The following SRSF12 variants were observed in gnomAD, a reference collection of about 807,000 sequenced individuals.
SRSF12 encodes serine/arginine-rich splicing factor 12.
Under a neutral mutation model 34.1 loss-of-function variants are expected in SRSF12, and 21 were observed. That is an observed-to-expected ratio of 0.62 (90% confidence interval 0.44 to 0.89). The LOEUF (loss-of-function observed/expected upper bound fraction) is 0.89, where lower values mean the gene tolerates loss of function less well. Ranked by LOEUF, SRSF12 falls within the 40% of genes least tolerant of loss-of-function variation. The pLI is 0.00. For missense variants in SRSF12, 278 were observed against 327.8 expected (o/e 0.85, Z 1.17); for synonymous variants, 111 against 110.8 (o/e 1.00, Z -0.01).
At position 89,117,987 on chromosome 6, in the gene SRSF12, G is replaced by A; in HGVS notation, c.-100C>T. 1 of 1,316,444 alleles carries A rather than the reference G, an allele frequency of 7.6e-7. No individual in the cohort carries two copies. Among genetic ancestry groups the A allele is most frequent in the Non-Finnish European group, 1.0e-6 (1 of 971,634 alleles). 81.5% of individuals were successfully genotyped at this position (1,316,444 alleles called of 1,614,324 possible). On this transcript the variant is annotated 5_prime_UTR_variant, in exon 1 of 5. Transcript: ENST00000452027. The stretch of plus-strand genomic sequence containing the variant: ...ACCACAGGAGCTCCGCCGGCCCCCG[G>A]CGCGACCCCCACCCCTCGGCCTCAG...
chr6:89,112,084 T>C (rs1265639610), intron 1 of SRSF12, among the ~76,000 whole-genome samples: 1 of 152,008 alleles, frequency 6.6e-6, no homozygotes, highest in Non-Finnish European at 1.5e-5. Flanking sequence ...CTCGGCTCAC[T>C]GCAACCTCCT....
chr6:89,113,408 G>A (rs1386656895), intron 1 of SRSF12, among the ~76,000 whole-genome samples: 1 of 152,010 alleles, frequency 6.6e-6, no homozygotes, highest in Non-Finnish European at 1.5e-5. Context: ...TCCTGACCTC[G>A]TGATCCGCCC....
chr6:89,113,303 A>G (rs1769140458), intron 1 of SRSF12, among the ~76,000 whole-genome samples: 1 of 151,988 alleles, frequency 6.6e-6, no homozygotes, highest in Admixed American at 6.6e-5. Context: ...CCTCCCTAGT[A>G]GCTGGGACTA....
chr6:89,107,076 A>G, intron 2 of SRSF12, 78 bp downstream of exon 2: 1 of 1,271,210 alleles, frequency 7.9e-7, no homozygotes, highest in Non-Finnish European at 1.2e-6. Context: ...TAATCTCATA[A>G]CATATGCTAC....
At chr6:89,104,223 C>CTTT (rs138798211) in intron 4 of SRSF12, among the ~76,000 whole-genome samples, 1 of 123,564 alleles carries the variant, frequency 8.1e-6, no homozygotes, top group African/African-American at 3.2e-5. Flanking sequence ...AACTCATCAC[C>CTTT]TTTTTTTTTT....
In SRSF12 at chr6:89,107,188, A is replaced by G; in HGVS notation, c.136T>C (p.Tyr46His). The G allele has an allele frequency of 1.2e-6, 2 of 1,614,174 alleles. No individual in the cohort carries two copies. Among genetic ancestry groups the G allele is most frequent in the Non-Finnish European group, 8.5e-7 (1 of 1,180,026 alleles). The part of the protein sequence containing the change: ...IVDVYIPLDF[Y>H]TRRPRGFAYV... ...GCAAATCCTCTTGGGCGGCGAGTGT[A>G]GAAGTCAAGTGGAATGTAAACGTCT... The change falls in exon 2 of 5, where the codon TAC (tyrosine) becomes CAC (histidine). Residue 46 changes from tyrosine to histidine, a missense_variant. Physicochemically the swap from Tyr to His is moderately conservative, Grantham distance 83. Coordinates refer to ENST00000452027, the MANE Select transcript of SRSF12 (RefSeq NM_080743.5).
In SRSF12 at chr6:89,107,002, A is replaced by G; in HGVS notation, c.170+152T>C. 3.7e-6 allele frequency: 3 copies of G among 821,170 alleles called. No homozygotes were observed. In the Middle Eastern group the frequency reaches 6.7e-4, roughly 182 times the overall value. 50.9% of individuals were successfully genotyped at this position (821,170 alleles called of 1,614,324 possible). ...TGGTTCAAACTGGGGGGTGCTTGCC[A>G]GCTACTGTGGACTGCTTTAGATCTT... On this transcript the variant is annotated intron_variant, in intron 2 of 4. Coordinates refer to ENST00000452027, the MANE Select transcript of SRSF12 (RefSeq NM_080743.5).
In SRSF12 at chr6:89,098,355, T is replaced by C. The variant is rs1768352211; in HGVS notation, c.*223A>G. On this transcript the variant is annotated 3_prime_UTR_variant, in exon 5 of 5. Transcript: ENST00000452027. ...CTGCCACAATGTAAATAAAAAATGG[T>C]CCATAAAATGGTGACATTAGACAAA... 1 of 418,564 alleles carries C rather than the reference T, an allele frequency of 2.4e-6. No individual in the cohort carries two copies. Among genetic ancestry groups the C allele is most frequent in the Non-Finnish European group, 4.1e-6 (1 of 244,760 alleles). The allele number at this position is 418,564 out of a possible 1,614,324, so 25.9% of individuals were successfully genotyped here. A position where few individuals can be genotyped will look rare whatever the true frequency, so the allele number is the denominator to read the frequency against.
intron 1 of SRSF12, among the ~76,000 whole-genome samples, chr6:89,117,334 G>T (rs1001284477): frequency 1.3e-5 from 2 of 152,230 alleles, no homozygotes; most frequent in Admixed American, 6.5e-5. Flanking sequence ...CTGGGGGAAA[G>T]AAACTGTAAG....
chr6:89,111,338 G>A (rs934640937), intron 1 of SRSF12, among the ~76,000 whole-genome samples: 8 of 152,164 alleles, frequency 5.3e-5, no homozygotes, highest in African/African-American at 1.9e-4. Flanking sequence ...TTGAAAATAT[G>A]TTGTAGTTTT....
intron 1 of SRSF12, among the ~76,000 whole-genome samples, chr6:89,114,603 TA>T (rs72183494): frequency 0.18 from 24,625 of 133,840 alleles, 4,020 homozygotes; most frequent in African/African-American, 0.46. Flanking sequence ...GTGGCAAAGC[TA>T]AAAAAAAAAA....
chr6:89,117,903 T>C lies in SRSF12; in HGVS notation c.-16A>G. The C allele has an allele frequency of 2.6e-6, 4 of 1,557,198 alleles. No individual in the cohort carries two copies. The highest frequency in any genetic ancestry group is 3.5e-6 in the Non-Finnish European group (4 of 1,154,786). ...AGCGAGACATGACCGCTTCCTCCGT[T>C]CCCTCCGGGTCTGCCCGCGGCCGCT... On this transcript the variant is annotated 5_prime_UTR_variant, in exon 1 of 5. Coordinates refer to ENST00000452027, the MANE Select transcript of SRSF12 (RefSeq NM_080743.5).
At chr6:89,106,003 A>T (rs1038182393) in intron 2 of SRSF12, 1 of 152,274 alleles carries the variant, frequency 6.6e-6, no homozygotes, top group Admixed American at 6.5e-5. Flanking sequence ...TTTAAATTTG[A>T]CATTTAAGAG....
chr6:89,104,423 A>G (rs1768690414), intron 4 of SRSF12, among the ~76,000 whole-genome samples: 1 of 151,740 alleles, frequency 6.6e-6, no homozygotes, highest in Admixed American at 6.6e-5. Flanking sequence ...TTTTTAGTAG[A>G]GGCGGGGTTT....
At chr6:89,117,779 C>T (rs758907644) in intron 1 of SRSF12, 44 bp downstream of exon 1, 17 of 1,519,518 alleles carry the variant, frequency 1.1e-5, no homozygotes, top group Non-Finnish European at 1.5e-5. Flanking sequence ...GGCTGTTACC[C>T]CGCCCCTCCT....
intron 2 of SRSF12, 55 bp downstream of exon 2, chr6:89,107,099 T>G (rs1259177701): frequency 3.5e-6 from 5 of 1,408,566 alleles, no homozygotes; most frequent in African/African-American, 1.4e-5. Context: ...AATACATATA[T>G]GTATAAGCAC....
At chr6:89,104,703 G>A (rs115995510) in intron 4 of SRSF12, among the ~76,000 whole-genome samples, 3,446 of 152,104 alleles carry the variant, frequency 0.023, 79 homozygotes, top group African/African-American at 0.063. Context: ...AACAAAAATT[G>A]ATTATGTTTG....
Position 89,098,495 on chromosome 6 carries a change from T to C in SRSF12, c.*83A>G. ...AACTAATATCAACTCGCATTTTCTG[T>C]ATGCCTTAAAGAATTTTTATTTAAC... On this transcript the variant is annotated 3_prime_UTR_variant, in exon 5 of 5. Coordinates refer to ENST00000452027, the MANE Select transcript of SRSF12 (RefSeq NM_080743.5). 2 of 1,470,348 alleles carry C rather than the reference T, an allele frequency of 1.4e-6. No individual in the cohort carries two copies. The highest frequency in any genetic ancestry group is 1.8e-6 in the Non-Finnish European group (2 of 1,107,562). The allele number at this position is 1,470,348 out of a possible 1,614,324, so 91.1% of individuals were successfully genotyped here.
chr6:89,105,479 C>T lies in SRSF12; in HGVS notation c.222G>A (p.Lys74=), dbSNP rs1447364157. ...AEDALYNLNR[K]WVCGRQIEIQ... is the part of the protein sequence containing the mutation. ...TTTCAATCTGACGGCCACATACCCA[C>T]TTTCTATTGAGGTTATAAAGAGCAT... The change falls in exon 3 of 5, where the codon AAG becomes AAA. Residue 74 remains lysine, a synonymous_variant. Coordinates refer to ENST00000452027, the MANE Select transcript of SRSF12 (RefSeq NM_080743.5). 6.2e-7 allele frequency: 1 copy of T among 1,612,306 alleles called. No individual in the cohort carries two copies.
Sources: gnomAD v4.1 joint callset for allele counts (sites outside exome capture counted in the v4.1 genomes callset) on GRCh38, gnomAD v4.1.1 for gene constraint, MANE v1.5 for transcripts, NCBI Gene and HGNC (gene_info 2026-07-23, HGNC 2026-07-21) for gene names.